FHL5: variants seen among roughly 807,000 people sequenced by gnomAD.
The protein encoded by FHL5 is four and a half LIM domains protein 5.
A neutral mutation model predicts 32.0 loss-of-function variants in FHL5; 33 were observed. The observed-to-expected ratio is 1.03, with a 90% CI of 0.78 to 1.38. The LOEUF is 1.38. Among genes scored for constraint, FHL5 ranks in the 40% most tolerant of loss-of-function variants. FHL5 has a pLI of 0.00. For missense variants in FHL5, 336 were observed against 343.9 expected, an observed-to-expected ratio of 0.98 and a Z score of 0.18; for synonymous variants, 114 against 113.6, an observed-to-expected ratio of 1.00 and a Z score of -0.02.
chr6:96,601,488 G>GT (rs1771148411), intron 1 of FHL5, among the ~76,000 whole-genome samples: 1 of 152,098 alleles, frequency 6.6e-6, no homozygotes, highest in Non-Finnish European at 1.5e-5. Context: ...ATAAGTTACA[G>GT]GTATTTTGAT....
intron 1 of FHL5, among the ~76,000 whole-genome samples, chr6:96,591,386 C>T (rs187353990): frequency 4.6e-5 from 7 of 152,098 alleles, no homozygotes; most frequent in African/African-American, 1.7e-4. Context: ...TACATAGATT[C>T]ATCTACATGT....
intron 1 of FHL5, among the ~76,000 whole-genome samples, chr6:96,576,033 C>G (rs1770577748): frequency 6.6e-6 from 1 of 152,168 alleles, no homozygotes; most frequent in Admixed American, 6.5e-5. Context: ...CAGACCACTC[C>G]CCTGCTCATG....
intron 1 of FHL5, among the ~76,000 whole-genome samples, chr6:96,602,761 A>C (rs532539418): frequency 6.6e-6 from 1 of 152,254 alleles, no homozygotes; most frequent in South Asian, 2.1e-4. Flanking sequence ...AGCTGCTGCT[A>C]TTATTTATGC....
At chr6:96,587,477 T>C (rs1008555098) in intron 1 of FHL5, among the ~76,000 whole-genome samples, 3 of 152,206 alleles carry the variant, frequency 2.0e-5, no homozygotes, top group African/African-American at 7.2e-5. Flanking sequence ...TACAAAAGTG[T>C]CAAACTTGAT....
At chr6:96,587,554 T>G (rs1770824399) in intron 1 of FHL5, among the ~76,000 whole-genome samples, 1 of 152,172 alleles carries the variant, frequency 6.6e-6, no homozygotes, top group Admixed American at 6.5e-5. Context: ...TCTATTAACT[T>G]TTTGAAGTCT....
chr6:96,605,955 T>C lies in FHL5; in HGVS notation c.388T>C (p.Cys130Arg). The C allele has an allele frequency of 6.2e-7, 1 of 1,614,084 alleles. No homozygotes were observed. Residue 130 changes from cysteine to arginine, a missense_variant, in exon 4 of 6, where the codon TGT (cysteine) becomes CGT (arginine). Coordinates refer to ENST00000450218, the MANE Select transcript of FHL5 (RefSeq NM_001322466.2). ...CTACTGGCATGAAACCTGTTTTGTG[T>C]GTGAGAATTGCCGACAACCTATAGG... ...GNYWHETCFV[C>R]ENCRQPIGTK...
At position 96,617,237 on chromosome 6, in the gene FHL5, A is replaced by T. The variant is rs900120611; in HGVS notation, c.*1465A>T. 2.6e-5 allele frequency among the ~76,000 whole-genome samples: 4 copies of T among 152,174 alleles called. No individual in the cohort carries two copies. Among genetic ancestry groups the T allele is most frequent in the African/African-American group, 9.7e-5 (4 of 41,438 alleles). On this transcript the variant is annotated 3_prime_UTR_variant, in exon 6 of 6. Coordinates refer to ENST00000450218, the MANE Select transcript of FHL5 (RefSeq NM_001322466.2). The stretch of plus-strand genomic sequence containing the variant: ...AGCATCTCTTGGATGGAGTAGAGGG[A>T]GGTCAGGAGAAGAAGCCCACATAGA...
chr6:96,602,873 A>G (rs1771184591), intron 1 of FHL5, among the ~76,000 whole-genome samples: 2 of 152,152 alleles, frequency 1.3e-5, no homozygotes, highest in South Asian at 2.1e-4. Flanking sequence ...ATTGTTCACA[A>G]TAGTCACAAA....
chr6:96,603,141 CT>C (rs2127972096), intron 1 of FHL5, among the ~76,000 whole-genome samples: 1 of 152,256 alleles, frequency 6.6e-6, no homozygotes, highest in East Asian at 1.9e-4. Context: ...TGACAATGTA[CT>C]GATTATTAAT....
At chr6:96,593,842 C>A (rs1295098183) in intron 1 of FHL5, among the ~76,000 whole-genome samples, 4 of 152,052 alleles carry the variant, frequency 2.6e-5, no homozygotes, top group Non-Finnish European at 5.9e-5. Context: ...TTTTTAAGTA[C>A]ACTTTTTAAG....
chr6:96,609,243 C>T (rs142795537), intron 4 of FHL5, among the ~76,000 whole-genome samples: 83 of 152,164 alleles, frequency 5.5e-4, no homozygotes, highest in African/African-American at 1.9e-3. Context: ...AACAACGAGG[C>T]GGCTTAAAAT....
intron 1 of FHL5, among the ~76,000 whole-genome samples, chr6:96,567,825 C>CTTTTTTTTTTTTTTT (rs757441385): frequency 4.5e-5 from 5 of 110,514 alleles, no homozygotes; most frequent in Non-Finnish European, 7.4e-5. Flanking sequence ...TTTTTGTATT[C>CTTTTTTTTTTTTTTT]TTTTTTTTTT....
intron 1 of FHL5, among the ~76,000 whole-genome samples, chr6:96,565,384 C>T (rs1482049312): frequency 6.6e-6 from 1 of 152,114 alleles, no homozygotes; most frequent in Non-Finnish European, 1.5e-5. Flanking sequence ...GTGAGTTTGC[C>T]TCCCTACCTT....
intron 1 of FHL5, among the ~76,000 whole-genome samples, chr6:96,592,995 T>A (rs987458789): frequency 6.6e-6 from 1 of 152,082 alleles, no homozygotes; most frequent in African/African-American, 2.4e-5. Flanking sequence ...TTTTCTCTTT[T>A]CTCATTCTCA....
At chr6:96,588,043 T>G (rs1412383163) in intron 1 of FHL5, among the ~76,000 whole-genome samples, 1 of 152,238 alleles carries the variant, frequency 6.6e-6, no homozygotes, top group Non-Finnish European at 1.5e-5. Flanking sequence ...TTGTTCCACA[T>G]CATCGCTGAA....
At chr6:96,570,364 T>C (rs1280958317) in intron 1 of FHL5, among the ~76,000 whole-genome samples, 1 of 152,144 alleles carries the variant, frequency 6.6e-6, no homozygotes, top group East Asian at 1.9e-4. Flanking sequence ...GCAGTTCTCT[T>C]ATGTGACTTG....
At chr6:96,602,206 G>A (rs1771162606) in intron 1 of FHL5, among the ~76,000 whole-genome samples, 1 of 152,072 alleles carries the variant, frequency 6.6e-6, no homozygotes, top group Non-Finnish European at 1.5e-5. Flanking sequence ...CAAAAACTCT[G>A]TTGTATTATC....
At chr6:96,600,242 T>C (rs77843452) in intron 1 of FHL5, among the ~76,000 whole-genome samples, 1,769 of 152,310 alleles carry the variant, frequency 0.012, 32 homozygotes, top group African/African-American at 0.034. Flanking sequence ...CAATTCTGTT[T>C]TGTAAAAGCA....
intron 1 of FHL5, among the ~76,000 whole-genome samples, chr6:96,591,565 C>A (rs903109828): frequency 2.6e-5 from 4 of 152,062 alleles, no homozygotes. Context: ...GATCTTTTAC[C>A]TGGGCATAGA....
Sources: allele counts gnomAD v4.1 joint callset (sites outside exome capture counted in the v4.1 genomes callset), GRCh38; gene constraint gnomAD v4.1.1; transcripts MANE v1.5; gene names NCBI Gene and HGNC (gene_info 2026-07-23, HGNC 2026-07-21).